Variants in PANK4 observed in about 807,000 individuals in gnomAD.
PANK4 encodes 4'-phosphopantetheine phosphatase.
PANK4 carries 40 observed loss-of-function variants against 87.9 expected under a neutral mutation model. The ratio of observed to expected loss-of-function variants is 0.46; its 90% CI spans 0.35 to 0.59. The LOEUF is 0.59. PANK4 is among the 20% of genes least tolerant of loss of function. PANK4 has a pLI of 0.00. For synonymous variants in PANK4, 524 were observed against 467.4 expected, an observed-to-expected ratio of 1.12 and a Z score of -1.56; for missense variants, 926 against 1,072.3, an observed-to-expected ratio of 0.86 and a Z score of 1.90.
chr1:2,512,711 TGCCCA>T (rs1643683597), intron 13 of PANK4, 172 bp downstream of exon 13: 2 of 652,786 alleles, frequency 3.1e-6, no homozygotes, highest in Non-Finnish European at 2.7e-6. Flanking sequence ...CGCTGCGCCC[TGCCCA>T]GCCCCTGGCG....
chr1:2,515,626 T>C lies in PANK4; in HGVS notation c.1310A>G (p.Asp437Gly), dbSNP rs1278471069. 1.2e-6 allele frequency: 2 copies of C among 1,613,098 alleles called. No individual in the cohort carries two copies. Among genetic ancestry groups the C allele is most frequent in the Non-Finnish European group, 1.7e-6 (2 of 1,179,910 alleles). Residue 437 changes from aspartate to glycine, a missense_variant, in exon 10 of 19, where the codon GAC becomes GGC. Asp to Gly is a moderately conservative substitution (Grantham distance 94). Coordinates refer to ENST00000378466, the MANE Select transcript of PANK4 (RefSeq NM_018216.4). The surrounding 1 kb of genome is among the most constrained non-coding windows in gnomAD (Gnocchi z 5.0). ...TCGGGCCAGAGCGTCATCGGTGAGG[T>C]CCACCGTGTCGGGCACGTAGGAGGG... is the stretch of plus-strand genomic sequence containing the variant. ...DPPSYVPDTV[D>G]LTDDALARKY...
Position 2,520,465 on chromosome 1 carries a change from G to C in PANK4, c.607-51C>G, listed in dbSNP as rs1329342379. ...CCCTCAGTGGGCCCTCAGCCACACA[G>C]GCTCCCCCGCCCCCCGCCCCATGTG... On this transcript the variant is annotated intron_variant, in intron 4 of 18. Transcript: ENST00000378466. The surrounding 1 kb of genome is among the most constrained non-coding windows in gnomAD (Gnocchi z 6.2). The C allele has an allele frequency of 2.0e-6, 3 of 1,504,228 alleles. No homozygotes were observed. In the African/African-American group the frequency reaches 4.1e-5, roughly 21 times the overall value. 93.2% of individuals were successfully genotyped at this position (1,504,228 alleles called of 1,614,324 possible).
At position 2,511,666 on chromosome 1, in the gene PANK4, G is replaced by C; in HGVS notation, c.1745C>G (p.Pro582Arg). ...KAVSAVLESDPYFGFEEAKRK... is the reference protein window; with the variant it reads ...KAVSAVLESDRYFGFEEAKRK... ...CTTTGCTTCTTCAAACCCAAAGTAG[G>C]GGTCGGATTCAAGGACACTGCATGG... The change falls in exon 14 of 19, where the codon CCC becomes CGC. Residue 582 changes from proline (P) to arginine (R), a missense_variant. Pro to Arg is a moderately radical substitution (Grantham distance 103). Coordinates refer to ENST00000378466, the MANE Select transcript of PANK4 (RefSeq NM_018216.4). 1 of 1,609,514 alleles carries C rather than the reference G, an allele frequency of 6.2e-7. No homozygotes were observed. Among genetic ancestry groups the C allele is most frequent in the Non-Finnish European group, 8.5e-7 (1 of 1,176,134 alleles).
chr1:2,515,588 T>C lies in PANK4; in HGVS notation c.1348A>G (p.Thr450Ala), dbSNP rs760123196. 6.8e-6 allele frequency: 11 copies of C among 1,613,006 alleles called. No individual in the cohort carries two copies. The highest frequency in any genetic ancestry group is 3.4e-4 in the Middle Eastern group (2 of 5,870). ...DDALARKYWL[T>A]CFEEALDGVV... ...CCGTCCAGGGCCTCCTCAAAGCAGG[T>C]GAGCCAGTATTTTCGGGCCAGAGCG... Residue 450 changes from threonine to alanine, a missense_variant, in exon 10 of 19, where the codon ACC becomes GCC. By Grantham distance (58) the Thr-to-Ala change is moderately conservative. Coordinates refer to ENST00000378466, the MANE Select transcript of PANK4 (RefSeq NM_018216.4). This position sits in a 1 kb window ranked among gnomAD's most constrained non-coding sequence, Gnocchi z 5.0.
intron 12 of PANK4, 118 bp from the exon 13 acceptor site, chr1:2,513,157 A>C (rs1299246379): frequency 9.3e-7 from 1 of 1,076,992 alleles, no homozygotes; most frequent in Admixed American, 2.5e-5. Context: ...CTCAGGCCCA[A>C]CTGGGACCCC....
Position 2,521,270 on chromosome 1 carries a change from C to T in PANK4, c.253G>A (p.Glu85Lys). The T allele has an allele frequency of 6.2e-7, 1 of 1,613,970 alleles. No homozygotes were observed. The highest frequency in any genetic ancestry group is 8.5e-7 in the Non-Finnish European group (1 of 1,180,014). Residue 85 changes from glutamate (E) to lysine (K), a missense_variant, in exon 3 of 19, where the codon GAA becomes AAA. By Grantham distance (56) the Glu-to-Lys change is moderately conservative. Coordinates refer to ENST00000378466, the MANE Select transcript of PANK4 (RefSeq NM_018216.4). ...AAGTGCAGTCGAGCAGTGATCTCTTCTTGAACTGAAATCTCATAGGGCGGC... is the reference window on the plus strand; with the variant it reads ...AAGTGCAGTCGAGCAGTGATCTCTTTTTGAACTGAAATCTCATAGGGCGGC... The part of the protein sequence containing the change: ...HEPPYEISVQ[E>K]EITARLHFIK...
chr1:2,526,555 G>A lies in PANK4; in HGVS notation c.33C>T (p.Ser11=), dbSNP rs1199305012. ...TGCTCTTGTCCAGACTGTCCCCGCT[G>A]CTCCCGCTGCCGCTCGCTCCACACT... MAECGASGSG[S]SGDSLDKSIT... is the part of the protein sequence containing the mutation. Residue 11 remains serine (S), a synonymous_variant, in exon 1 of 19, where the codon AGC becomes AGT. Transcript: ENST00000378466. The A allele has an allele frequency of 6.2e-7, 1 of 1,602,760 alleles. No homozygotes were observed. Among genetic ancestry groups the A allele is most frequent in the Non-Finnish European group, 8.5e-7 (1 of 1,175,268 alleles).
chr1:2,512,919 C>T lies in PANK4; in HGVS notation c.1696G>A (p.Val566Ile), dbSNP rs1482729068. The change falls in exon 13 of 19, where the codon GTC becomes ATC. Residue 566 changes from valine (V) to isoleucine (I), a missense_variant. Physicochemically the swap from Val to Ile is conservative, Grantham distance 29. Transcript: ENST00000378466. The part of the protein sequence containing the change: ...ALVKGLLAGN[V>I]FDWGAKAVSA... ...ACGGCTTTGGCCCCCCAGTCGAAGACATTCCCCGCCAGGAGGCCTTTCACC... is the reference window on the plus strand; with the variant it reads ...ACGGCTTTGGCCCCCCAGTCGAAGATATTCCCCGCCAGGAGGCCTTTCACC... 1.2e-6 allele frequency: 2 copies of T among 1,612,712 alleles called. No homozygotes were observed. The highest frequency in any genetic ancestry group is 2.7e-5 in the African/African-American group (2 of 74,938).
In PANK4 at chr1:2,511,390, G is replaced by A. The variant is rs2100771149; in HGVS notation, c.1784-3C>T. The A allele has an allele frequency of 6.2e-7, 1 of 1,606,736 alleles. No individual in the cohort carries two copies. The highest frequency in any genetic ancestry group is 8.5e-7 in the Non-Finnish European group (1 of 1,174,194). ...GGAATCCACGAGCCAGGGTCTTTCT[G>A]AGACAGAGAGAGGGACACATGATTA... On this transcript the variant is annotated splice_region_variant and splice_polypyrimidine_tract_variant and intron_variant, in intron 14 of 18. Coordinates refer to ENST00000378466, the MANE Select transcript of PANK4 (RefSeq NM_018216.4).
rs143030713 is a variant in PANK4, at chr1:2,521,564, C to G, written c.207+154G>C. On this transcript the variant is annotated intron_variant, in intron 2 of 18. Coordinates refer to ENST00000378466, the MANE Select transcript of PANK4 (RefSeq NM_018216.4). ...TCCTACAAAGGGTCTTGAAGGGACACGGCGGAAGGCAGGGGAGGCTGTCCC... is the reference window on the plus strand; with the variant it reads ...TCCTACAAAGGGTCTTGAAGGGACAGGGCGGAAGGCAGGGGAGGCTGTCCC... 8.7e-4 allele frequency: 661 copies of G among 763,446 alleles called. 5 individuals are homozygous for G. In the African/African-American group the frequency reaches 0.01, roughly 12 times the overall value. 47.3% of individuals were successfully genotyped at this position (763,446 alleles called of 1,614,324 possible).
chr1:2,509,739 G>C lies in PANK4; in HGVS notation c.2108+123C>G. On this transcript the variant is annotated intron_variant, in intron 18 of 18. Coordinates refer to ENST00000378466, the MANE Select transcript of PANK4 (RefSeq NM_018216.4). The surrounding 1 kb of genome is among the most constrained non-coding windows in gnomAD (Gnocchi z 4.9). ...CCCTCCTGAGATCAATCCGGGCCTG[G>C]GGTCAGGAGAGGCCGCAGGGGCAGT... 1 of 808,494 alleles carries C rather than the reference G, an allele frequency of 1.2e-6. No homozygotes were observed. The highest frequency in any genetic ancestry group is 2.1e-6 in the Non-Finnish European group (1 of 479,408). The allele number at this position is 808,494 out of a possible 1,614,324, so 50.1% of individuals were successfully genotyped here. A position where few individuals can be genotyped will look rare whatever the true frequency, so the allele number is the denominator to read the frequency against.
intron 12 of PANK4, 48 bp from the exon 13 acceptor site, chr1:2,513,087 C>G (rs749281242): frequency 6.5e-7 from 1 of 1,544,776 alleles, no homozygotes; most frequent in Non-Finnish European, 8.8e-7. Context: ...GTGGCCTCAG[C>G]CCACCCTGGA....
intron 1 of PANK4, among the ~76,000 whole-genome samples, chr1:2,522,441 G>A (rs1643882656): frequency 6.6e-6 from 1 of 152,212 alleles, no homozygotes; most frequent in Non-Finnish European, 1.5e-5. Flanking sequence ...GAGAAGCCCT[G>A]TGGCTTCCAG....
chr1:2,513,942 A>T (rs1350959237), intron 12 of PANK4, 60 bp downstream of exon 12: 14 of 1,236,210 alleles, frequency 1.1e-5, no homozygotes, highest in Non-Finnish European at 1.4e-5. Context: ...GAGACAGGAC[A>T]CGCGGTGCCA....
rs754417255 is a variant in PANK4 at position 2,512,888 on chromosome 1, G to A, written c.1727C>T (p.Ala576Val). 20 of 1,612,518 alleles carry A rather than the reference G, an allele frequency of 1.2e-5. No individual in the cohort carries two copies. The Admixed American group carries it at 1.7e-4, about 13-fold the overall frequency. The change falls in exon 13 of 19, where the codon GCT (alanine) becomes GTT (valine). Residue 576 changes from alanine to valine, a missense_variant and splice_region_variant. Physicochemically the swap from Ala to Val is moderately conservative, Grantham distance 64. Transcript: ENST00000378466. ...CTGCTCCGAGCCCGCAGACACCTACGCAGACACGGCTTTGGCCCCCCAGTC... is the reference window on the plus strand; with the variant it reads ...CTGCTCCGAGCCCGCAGACACCTACACAGACACGGCTTTGGCCCCCCAGTC... ...VFDWGAKAVS[A>V]VLESDPYFGF... is the part of the protein sequence containing the mutation.
rs1643641081 is a variant in PANK4, at chr1:2,510,397, G to GATCGGCA, written c.1939-241_1939-240insTGCCGAT. ...GCCTGCCCCTGGGACCTGCCTGTCT[G>GATCGGCA]TGAAGTCACAGCCCCAAAGCCTCCT... On this transcript the variant is annotated intron_variant, in intron 16 of 18. Transcript: ENST00000378466. The surrounding 1 kb of genome is among the most constrained non-coding windows in gnomAD (Gnocchi z 4.9). 5 of 379,910 alleles carry GATCGGCA rather than the reference G, an allele frequency of 1.3e-5. No individual in the cohort carries two copies. The highest frequency in any genetic ancestry group is 1.0e-4 in the African/African-American group (1 of 9,528). The allele number at this position is 379,910 out of a possible 1,614,324, so 23.5% of individuals were successfully genotyped here.
Position 2,520,928 on chromosome 1 carries a change from C to T in PANK4, c.423-22G>A, listed in dbSNP as rs749658446. 18 of 1,541,664 alleles carry T rather than the reference C, an allele frequency of 1.2e-5. No homozygotes were observed. Among genetic ancestry groups the T allele is most frequent in the East Asian group, 2.3e-5 (1 of 44,330 alleles). Reference sequence around the variant, plus strand: ...GACTCTGAAAAGGAAGCGCCAACCCCTTAAAGAGTCTGGGCCACAGACAGG... The same window carrying T: ...GACTCTGAAAAGGAAGCGCCAACCCTTTAAAGAGTCTGGGCCACAGACAGG... On this transcript the variant is annotated intron_variant, in intron 3 of 18. Coordinates refer to ENST00000378466, the MANE Select transcript of PANK4 (RefSeq NM_018216.4). The surrounding 1 kb of genome is among the most constrained non-coding windows in gnomAD (Gnocchi z 6.2).
intron 9 of PANK4, among the ~76,000 whole-genome samples, chr1:2,517,826 A>G (rs531520763): frequency 9.2e-5 from 14 of 152,260 alleles, no homozygotes; most frequent in African/African-American, 3.4e-4. Context: ...TCGGGTTTCA[A>G]CTCCAAAGTG....
Position 2,521,309 on chromosome 1 carries a change from C to T in PANK4, c.214G>A (p.Glu72Lys), listed in dbSNP as rs745365426. Residue 72 changes from glutamate to lysine, a missense_variant, in exon 3 of 19, where the codon GAA becomes AAA. Coordinates refer to ENST00000378466, the MANE Select transcript of PANK4 (RefSeq NM_018216.4). ...RSFDHSGKDTEREHEPPYEIS... is the reference protein window; with the variant it reads ...RSFDHSGKDTKREHEPPYEIS... ...TCATAGGGCGGCTCATGTTCACGTT[C>T]TGTGTCCTGGAAAACAGAGTAGGGG... 6.2e-7 allele frequency: 1 copy of T among 1,613,384 alleles called. No individual in the cohort carries two copies.
Sources: allele counts gnomAD v4.1 joint callset (sites outside exome capture counted in the v4.1 genomes callset), GRCh38; gene constraint gnomAD v4.1.1; non-coding constraint Gnocchi (gnomAD v3.1); transcripts MANE v1.5; gene names NCBI Gene and HGNC (gene_info 2026-07-23, HGNC 2026-07-21).